The following POU6F2 variants were observed in gnomAD, a reference collection of about 807,000 sequenced individuals.
POU6F2 encodes POU class 6 homeobox 2.
In POU6F2, 31 loss-of-function variants were observed where a neutral mutation model predicts 71.3. That is an observed-to-expected ratio of 0.43 (90% CI 0.33 to 0.59). The LOEUF (loss-of-function observed/expected upper bound fraction) is 0.59. POU6F2 is among the 20% of genes least tolerant of loss of function. POU6F2 has a pLI of 0.04. For missense variants in POU6F2, 783 were observed against 856.8 expected (o/e 0.91, Z 1.07); for synonymous variants, 347 against 355.7 (o/e 0.98, Z 0.27).
chr7:39,300,858 TG>T (rs34364001), intron 4 of POU6F2, among the ~76,000 whole-genome samples: 69,398 of 151,884 alleles, frequency 0.46, 16,691 homozygotes, highest in Admixed American at 0.59. Flanking sequence ...CTGAGAGTCC[TG>T]GGGGTTAGGA....
chr7:39,172,952 A>G (rs1222257357), intron 2 of POU6F2, among the ~76,000 whole-genome samples: 1 of 151,716 alleles, frequency 6.6e-6, no homozygotes, highest in African/African-American at 2.4e-5. Flanking sequence ...AATACTTTAG[A>G]GAAGTACTGT....
intron 4 of POU6F2, among the ~76,000 whole-genome samples, chr7:39,226,292 A>G (rs1436235902): frequency 6.6e-6 from 1 of 152,190 alleles, no homozygotes; most frequent in African/African-American, 2.4e-5. Context: ...AACTGAAATG[A>G]AAAGGGTGTT....
At chr7:39,396,991 C>G (rs1787186822) in intron 5 of POU6F2, among the ~76,000 whole-genome samples, 1 of 152,098 alleles carries the variant, frequency 6.6e-6, no homozygotes, top group Non-Finnish European at 1.5e-5. Flanking sequence ...CCAGCCCAGC[C>G]CCACCCAATT....
At chr7:39,124,030 C>T (rs1193047819) in intron 2 of POU6F2, among the ~76,000 whole-genome samples, 4 of 149,648 alleles carry the variant, frequency 2.7e-5, no homozygotes, top group Non-Finnish European at 5.9e-5. Flanking sequence ...CCTTACTTTC[C>T]TCATCCATAG....
intron 1 of POU6F2, among the ~76,000 whole-genome samples, chr7:39,084,713 TA>T (rs989091714): frequency 5.3e-5 from 8 of 151,098 alleles, no homozygotes; most frequent in African/African-American, 1.5e-4. Flanking sequence ...ATGAATACAT[TA>T]AAAAAAAATA....
chr7:39,272,624 T>C (rs1562771801), intron 4 of POU6F2, among the ~76,000 whole-genome samples: 1 of 152,252 alleles, frequency 6.6e-6, no homozygotes, highest in Non-Finnish European at 1.5e-5. Context: ...CAAACATTCT[T>C]GAAACTGAAA....
chr7:39,332,004 A>T, intron 4 of POU6F2, among the ~76,000 whole-genome samples: 1 of 152,204 alleles, frequency 6.6e-6, no homozygotes, highest in East Asian at 1.9e-4. Flanking sequence ...TTATAAAAAG[A>T]AATGTGTATC....
chr7:39,443,461 G>A (rs879664917), intron 7 of POU6F2, among the ~76,000 whole-genome samples: 9 of 152,226 alleles, frequency 5.9e-5, no homozygotes, highest in African/African-American at 9.7e-5. Flanking sequence ...CTCAAGGCAT[G>A]TGCCAGTGGT....
rs527373098 is a variant in POU6F2 at position 39,244,298 on chromosome 7, A to G, written c.598+36678A>G. On this transcript the variant is annotated intron_variant, in intron 4 of 9. Coordinates refer to ENST00000518318, the MANE Select transcript of POU6F2 (RefSeq NM_001370959.1). ...GAAAACAGCATTTTGCCCCCAAACC[A>G]TGCCCACGCTGCAAAAACATCTCAC... is the stretch of plus-strand genomic sequence containing the variant. Among the ~76,000 whole-genome samples the G allele has an allele frequency of 8.9e-4, 135 of 152,254 alleles. 1 individual carries two copies. Among genetic ancestry groups the G allele is most frequent in the South Asian group, 7.5e-3 (36 of 4,816 alleles).
chr7:39,316,546 G>C (rs1785272583), intron 4 of POU6F2, among the ~76,000 whole-genome samples: 1 of 152,186 alleles, frequency 6.6e-6, no homozygotes, highest in Non-Finnish European at 1.5e-5. Flanking sequence ...ACAATGTGGA[G>C]TCAAGCAGCT....
At chr7:39,058,997 A>G (rs1182021259) in intron 1 of POU6F2, among the ~76,000 whole-genome samples, 4 of 152,210 alleles carry the variant, frequency 2.6e-5, no homozygotes, top group Non-Finnish European at 2.9e-5. Context: ...AGTCTCAAAG[A>G]CTTGGGAAAA....
chr7:39,381,832 C>T (rs1786836156), intron 5 of POU6F2, among the ~76,000 whole-genome samples: 1 of 152,098 alleles, frequency 6.6e-6, no homozygotes, highest in African/African-American at 2.4e-5. Flanking sequence ...ACTTACTGAC[C>T]CAGTTTCTGT....
At chr7:39,251,320 G>A (rs1783911003) in intron 4 of POU6F2, among the ~76,000 whole-genome samples, 1 of 152,274 alleles carries the variant, frequency 6.6e-6, no homozygotes, top group Non-Finnish European at 1.5e-5. Flanking sequence ...TGGCATCACA[G>A]GAGATATTTC....
intron 5 of POU6F2, among the ~76,000 whole-genome samples, chr7:39,379,797 C>T (rs971366037): frequency 5.3e-5 from 8 of 152,224 alleles, no homozygotes; most frequent in Non-Finnish European, 1.2e-4. Context: ...TCAGAGAGAA[C>T]TGTTCGCTTG....
intron 2 of POU6F2, among the ~76,000 whole-genome samples, chr7:39,198,528 A>G (rs1285136173): frequency 6.6e-6 from 1 of 152,356 alleles, no homozygotes; most frequent in East Asian, 1.9e-4. Context: ...CATTTTTCAT[A>G]TTAATGTAAT....
intron 6 of POU6F2, among the ~76,000 whole-genome samples, chr7:39,414,832 A>C (rs2115931724): frequency 6.6e-6 from 1 of 152,110 alleles, no homozygotes; most frequent in East Asian, 1.9e-4. Flanking sequence ...AGCAAAACTC[A>C]GCAGTGCAGG....
At chr7:39,317,674 A>G (rs4720319) in intron 4 of POU6F2, among the ~76,000 whole-genome samples, 104,311 of 151,998 alleles carry the variant, frequency 0.69, 35,824 homozygotes, top group Admixed American at 0.77. Context: ...TAGGTACAGA[A>G]CTGCCTCCAG....
intron 1 of POU6F2, among the ~76,000 whole-genome samples, chr7:39,067,406 A>G (rs143464398): frequency 2.4e-3 from 366 of 152,092 alleles, no homozygotes; most frequent in Non-Finnish European, 4.3e-3. Flanking sequence ...ATAAAATAAA[A>G]CATAAAGGTT....
chr7:39,130,151 T>G (rs947757916), intron 2 of POU6F2, among the ~76,000 whole-genome samples: 71 of 75,938 alleles, frequency 9.3e-4, no homozygotes, highest in Middle Eastern at 5.7e-3. Context: ...GGGGTAGGTG[T>G]GTGTGTGTGT....
Sources: allele counts gnomAD v4.1 joint callset (sites outside exome capture counted in the v4.1 genomes callset), GRCh38; gene constraint gnomAD v4.1.1; transcripts MANE v1.5; gene names NCBI Gene and HGNC (gene_info 2026-07-23, HGNC 2026-07-21).